The following METTL2B variants were observed in gnomAD, a reference collection of about 807,000 sequenced individuals.
METTL2B encodes the protein tRNA N(3)-cytidine methyltransferase METTL2B.
METTL2B carries 28 observed loss-of-function variants against 51.0 expected under a neutral mutation model. The ratio of observed to expected loss-of-function variants is 0.55; its 90% CI spans 0.41 to 0.75. METTL2B has a LOEUF of 0.75. Ranked by LOEUF, METTL2B falls within the 30% of genes least tolerant of loss-of-function variation. METTL2B has a pLI of 0.00. For missense variants in METTL2B, 313 were observed against 460.7 expected (o/e 0.68, Z 2.93); for synonymous variants, 128 against 166.3 (o/e 0.77, Z 1.77).
rs1236552935 is a variant in METTL2B at position 128,503,724 on chromosome 7, A to G, written c.*1808A>G. On this transcript the variant is annotated 3_prime_UTR_variant, in exon 9 of 9. Transcript: ENST00000262432. ...GAAAGTAAGGACTTTTCGACCAGGC[A>G]TGGCGGCTCACGCCTATAATCCCAG... is the stretch of plus-strand genomic sequence containing the variant. The G allele has an allele frequency of 2.0e-5, 3 of 152,218 alleles. No homozygotes were observed. The highest frequency in any genetic ancestry group is 6.5e-5 in the Admixed American group (1 of 15,268). The allele number at this position is 152,218 out of a possible 1,614,324, so 9.4% of individuals were successfully genotyped here.
Position 128,477,183 on chromosome 7 carries a change from A to C in METTL2B, c.202+10A>C, listed in dbSNP as rs779678833. 1 of 1,613,682 alleles carries C rather than the reference A, an allele frequency of 6.2e-7. No individual in the cohort carries two copies. The highest frequency in any genetic ancestry group is 1.3e-5 in the African/African-American group (1 of 74,874). Reference sequence around the variant, plus strand: ...TGCCAGGAGAAACAAGGTGCGCTTAAATGGGCTCTCGTTGGTATCAACAGC... The same window carrying C: ...TGCCAGGAGAAACAAGGTGCGCTTACATGGGCTCTCGTTGGTATCAACAGC... On this transcript the variant is annotated intron_variant, in intron 2 of 8. Coordinates refer to ENST00000262432, the MANE Select transcript of METTL2B (RefSeq NM_018396.3).
chr7:128,488,272 G>A (rs1792756369), intron 5 of METTL2B, 111 bp downstream of exon 5: 3 of 1,275,654 alleles, frequency 2.4e-6, no homozygotes, highest in Non-Finnish European at 3.4e-6. Context: ...TGTTCTTACG[G>A]TCTAAAAGTA....
chr7:128,503,322 CT>C lies in METTL2B; in HGVS notation c.*1413del, dbSNP rs1467595762. 1.3e-5 allele frequency: 2 copies of C among 151,902 alleles called. No individual in the cohort carries two copies. Among genetic ancestry groups the C allele is most frequent in the African/African-American group, 4.8e-5 (2 of 41,352 alleles). The allele number at this position is 151,902 out of a possible 1,614,324, so 9.4% of individuals were successfully genotyped here. On this transcript the variant is annotated 3_prime_UTR_variant, in exon 9 of 9. Transcript: ENST00000262432. ...GAATTTTCACTTTTTGCAAAATTAT[CT>C]TTTTTTACTGCACCCTTAAGTGTTT...
Position 128,505,030 on chromosome 7 carries a change from G to A in METTL2B, c.*3114G>A, listed in dbSNP as rs1194604342. ...GAGAATCACTTGAATCTGGGAGGCAGAGGTTGCAGTGAGCCGAGATGGCGC... is the reference window on the plus strand; with the variant it reads ...GAGAATCACTTGAATCTGGGAGGCAAAGGTTGCAGTGAGCCGAGATGGCGC... On this transcript the variant is annotated 3_prime_UTR_variant, in exon 9 of 9. Coordinates refer to ENST00000262432, the MANE Select transcript of METTL2B (RefSeq NM_018396.3). The A allele has an allele frequency of 1.3e-5, 2 of 151,816 alleles. No individual in the cohort carries two copies. Among genetic ancestry groups the A allele is most frequent in the Non-Finnish European group, 2.9e-5 (2 of 68,300 alleles). 9.4% of individuals were successfully genotyped at this position (151,816 alleles called of 1,614,324 possible).
In METTL2B at chr7:128,501,992, C is replaced by T. The variant is rs1373773559; in HGVS notation, c.*76C>T. The T allele has an allele frequency of 1.9e-6, 3 of 1,588,566 alleles. No homozygotes were observed. The African/African-American group carries it at 4.0e-5, about 21-fold the overall frequency. ...TTAAAAAAAAATTTGTAGCACCGGG[C>T]ATGGTGCATGCCTGTAATCCCAGCC... On this transcript the variant is annotated 3_prime_UTR_variant, in exon 9 of 9. Coordinates refer to ENST00000262432, the MANE Select transcript of METTL2B (RefSeq NM_018396.3).
At chr7:128,497,474 G>GTTGT (rs533804146) in intron 6 of METTL2B, among the ~76,000 whole-genome samples, 8 of 152,070 alleles carry the variant, frequency 5.3e-5, no homozygotes, top group African/African-American at 1.7e-4. Flanking sequence ...GCAGAGAACT[G>GTTGT]TTGTTTGTTT....
At chr7:128,498,655 G>C (rs1351874099) in intron 7 of METTL2B, among the ~76,000 whole-genome samples, 2 of 151,978 alleles carry the variant, frequency 1.3e-5, no homozygotes, top group Non-Finnish European at 2.9e-5. Flanking sequence ...TAGATATTGA[G>C]GTCTTTTTAA....
At chr7:128,501,712 G>A (rs1237753609) in intron 8 of METTL2B, 50 bp from the exon 9 acceptor site, 1 of 1,604,498 alleles carries the variant, frequency 6.2e-7, no homozygotes, top group African/African-American at 1.3e-5. Flanking sequence ...AGATAAAAAT[G>A]CCTTTTCTTG....
intron 7 of METTL2B, 76 bp downstream of exon 7, chr7:128,498,218 C>G: frequency 6.7e-7 from 1 of 1,496,326 alleles, no homozygotes. Flanking sequence ...TGGAAATCAT[C>G]ATTCTCAGCA....
At chr7:128,496,368 GA>G (rs1263136148) in intron 6 of METTL2B, among the ~76,000 whole-genome samples, 13 of 152,152 alleles carry the variant, frequency 8.5e-5, no homozygotes, top group Non-Finnish European at 1.8e-4. Flanking sequence ...AACAAAGCAA[GA>G]CCCCTGTCTC....
At chr7:128,493,969 G>C (rs754841664) in intron 6 of METTL2B, 26 bp downstream of exon 6, 2 of 1,590,258 alleles carry the variant, frequency 1.3e-6, no homozygotes, top group African/African-American at 1.4e-5. Context: ...TTAGCTGGTA[G>C]TGTCACAAAA....
At chr7:128,494,372 C>T (rs1318804953) in intron 6 of METTL2B, among the ~76,000 whole-genome samples, 2 of 152,196 alleles carry the variant, frequency 1.3e-5, no homozygotes, top group African/African-American at 2.4e-5. Flanking sequence ...GAAGCCACAC[C>T]ATTTGTAGTG....
chr7:128,485,316 T>C (rs1351783338), intron 4 of METTL2B, among the ~76,000 whole-genome samples: 2 of 152,090 alleles, frequency 1.3e-5, no homozygotes, highest in African/African-American at 2.4e-5. Flanking sequence ...TAGGATCACC[T>C]GAGCCCAGGA....
In METTL2B at chr7:128,498,014, A is replaced by G. The variant is rs761427234; in HGVS notation, c.810-22A>G. 1.1e-5 allele frequency: 17 copies of G among 1,611,850 alleles called. 1 individual carries two copies. In the Admixed American group the frequency reaches 2.5e-4, roughly 24 times the overall value. On this transcript the variant is annotated intron_variant, in intron 6 of 8. Coordinates refer to ENST00000262432, the MANE Select transcript of METTL2B (RefSeq NM_018396.3). ...TGTCTTTAAGGAGACCTGATTAACT[A>G]TAATTCCCTGTGTCTCCACAGGATG...
chr7:128,496,255 C>T (rs1299067191), intron 6 of METTL2B, among the ~76,000 whole-genome samples: 3 of 152,070 alleles, frequency 2.0e-5, no homozygotes, highest in Admixed American at 6.6e-5. Context: ...TTAATAATTG[C>T]AGAGGTTGAC....
chr7:128,487,301 T>A (rs2562737), intron 4 of METTL2B, among the ~76,000 whole-genome samples: 118,839 of 152,106 alleles, frequency 0.78, 46,691 homozygotes, highest in East Asian at 0.94. Context: ...TCACTCAAAT[T>A]ATGAGCCCAA....
At chr7:128,493,552 A>T (rs1792872991) in intron 5 of METTL2B, among the ~76,000 whole-genome samples, 1 of 152,140 alleles carries the variant, frequency 6.6e-6, no homozygotes, top group Non-Finnish European at 1.5e-5. Context: ...CTTTTTCACC[A>T]ATCTATATAA....
At chr7:128,488,211 A>T in intron 5 of METTL2B, 50 bp downstream of exon 5, 1 of 1,587,030 alleles carries the variant, frequency 6.3e-7, no homozygotes, top group Non-Finnish European at 8.6e-7. Flanking sequence ...GATTAAAGGG[A>T]AAAGGTTCTC....
chr7:128,478,546 G>A (rs1254397171), intron 2 of METTL2B, among the ~76,000 whole-genome samples: 1 of 150,982 alleles, frequency 6.6e-6, no homozygotes, highest in African/African-American at 2.4e-5. Flanking sequence ...ACTGCACCTG[G>A]CTACTTCTAG....
Sources: gnomAD v4.1 joint callset for allele counts (sites outside exome capture counted in the v4.1 genomes callset) on GRCh38, gnomAD v4.1.1 for gene constraint, MANE v1.5 for transcripts, NCBI Gene and HGNC (gene_info 2026-07-23, HGNC 2026-07-21) for gene names.